The following CALN1 variants were observed in gnomAD, a reference collection of about 807,000 sequenced individuals.
CALN1 encodes the protein calneuron 1.
A neutral mutation model predicts 30.6 loss-of-function variants in CALN1; 17 were observed. The observed-to-expected ratio is 0.56, with a 90% CI of 0.38 to 0.83. The LOEUF is 0.83. Ranked by LOEUF, CALN1 falls within the 40% of genes least tolerant of loss-of-function variation. The pLI is 0.00. For missense variants in CALN1, 291 were observed against 354.9 expected (o/e 0.82, Z 1.45); for synonymous variants, 156 against 131.4 (o/e 1.19, Z -1.28).
At chr7:72,144,604 A>C (rs1028661393) in intron 3 of CALN1, among the ~76,000 whole-genome samples, 1 of 152,220 alleles carries the variant, frequency 6.6e-6, no homozygotes, top group Non-Finnish European at 1.5e-5. Flanking sequence ...AATTGAACTC[A>C]GCTCTGCACC....
the CALN1 span, among the ~76,000 whole-genome samples, chr7:72,470,646 C>T: frequency 3.3e-5 from 5 of 151,988 alleles, no homozygotes. Context: ...AAATGAGTTC[C>T]TTGGTAAAAT....
At chr7:71,913,703 T>G (rs2117014935) in intron 5 of CALN1, 1 of 152,526 alleles carries the variant, frequency 6.6e-6, no homozygotes, top group Non-Finnish European at 1.5e-5. Context: ...CCTGAGTAGC[T>G]TGGACTACAG....
intron 5 of CALN1, among the ~76,000 whole-genome samples, chr7:71,960,989 G>A (rs969122195): frequency 6.6e-6 from 1 of 152,034 alleles, no homozygotes; most frequent in Non-Finnish European, 1.5e-5. Flanking sequence ...GCTAATTTTT[G>A]TATTTTTAGT....
chr7:71,796,588 G>A (rs111652001), intron 6 of CALN1, among the ~76,000 whole-genome samples: 82 of 152,062 alleles, frequency 5.4e-4, no homozygotes, highest in African/African-American at 1.9e-3. Context: ...TCGAACTACT[G>A]ACCTCATGAT....
intron 3 of CALN1, among the ~76,000 whole-genome samples, chr7:72,222,529 C>T (rs994086612): frequency 8.5e-5 from 13 of 152,146 alleles, no homozygotes; most frequent in Admixed American, 8.5e-4. Context: ...AAGTTTGCCC[C>T]CATGATCCAA....
At chr7:72,245,273 G>C (rs1487121203) in intron 3 of CALN1, among the ~76,000 whole-genome samples, 2 of 152,166 alleles carry the variant, frequency 1.3e-5, no homozygotes, top group South Asian at 2.1e-4. Flanking sequence ...GTAACGTGCT[G>C]ACTTTTCCTG....
In CALN1 at chr7:72,024,468, G is replaced by A. The variant is rs1485941718; in HGVS notation, c.389-699C>T. Among the ~76,000 whole-genome samples, 10 of 151,870 alleles carry A rather than the reference G, an allele frequency of 6.6e-5. No individual in the cohort carries two copies. In the East Asian group the frequency reaches 7.7e-4, roughly 12 times the overall value. On this transcript the variant is annotated intron_variant, in intron 4 of 6. Transcript: ENST00000395275. ...GGCTGGAGTGCAATGGCGTGATCTC[G>A]GCTCACTGCAACCTCTGCCTCCTGG... is the stretch of plus-strand genomic sequence containing the variant.
chr7:72,333,922 A>G (rs1801835417), intron 2 of CALN1, among the ~76,000 whole-genome samples: 1 of 152,132 alleles, frequency 6.6e-6, no homozygotes, highest in Non-Finnish European at 1.5e-5. Flanking sequence ...GTCTGACTCT[A>G]AACAAGTTAC....
chr7:72,369,897 TCTCA>T (rs1224485516), intron 2 of CALN1, among the ~76,000 whole-genome samples: 2 of 152,224 alleles, frequency 1.3e-5, no homozygotes, highest in South Asian at 2.1e-4. Context: ...GCTTTCAGTT[TCTCA>T]CTATCATAAA....
intron 4 of CALN1, among the ~76,000 whole-genome samples, chr7:72,027,602 G>A (rs567445362): frequency 6.6e-5 from 10 of 151,890 alleles, no homozygotes; most frequent in South Asian, 2.1e-4. Context: ...TCCCAGCTAC[G>A]TGGGACGCAG....
chr7:72,078,847 A>G (rs1231342941), intron 4 of CALN1, among the ~76,000 whole-genome samples: 4 of 152,176 alleles, frequency 2.6e-5, no homozygotes, highest in Non-Finnish European at 5.9e-5. Context: ...GAGGCAGGAG[A>G]ATCGCCTGAA....
chr7:71,943,517 G>A (rs1436496886), intron 5 of CALN1, among the ~76,000 whole-genome samples: 2 of 152,068 alleles, frequency 1.3e-5, no homozygotes, highest in East Asian at 3.9e-4. Context: ...ATCAGCTCAT[G>A]GCAACCTCTG....
intron 5 of CALN1, among the ~76,000 whole-genome samples, chr7:71,908,194 G>A (rs960075202): frequency 1.3e-5 from 2 of 152,060 alleles, no homozygotes; most frequent in African/African-American, 4.8e-5. Flanking sequence ...GGCCCCCTTT[G>A]TTGCAGGCCT....
intron 4 of CALN1, among the ~76,000 whole-genome samples, chr7:72,026,992 CCAAA>C (rs1159121647): frequency 2.0e-5 from 3 of 152,122 alleles, no homozygotes; most frequent in Non-Finnish European, 4.4e-5. Flanking sequence ...GGCTGGATGG[CCAAA>C]CAGTCTTGAA....
chr7:72,171,095 G>T (rs1286990882), intron 3 of CALN1, among the ~76,000 whole-genome samples: 1 of 152,132 alleles, frequency 6.6e-6, no homozygotes, highest in Non-Finnish European at 1.5e-5. Flanking sequence ...AGAGTTCGAG[G>T]TTGCAGTGAG....
chr7:72,272,059 CA>C (rs36004477), intron 3 of CALN1, among the ~76,000 whole-genome samples: 26,388 of 120,706 alleles, frequency 0.22, 3,449 homozygotes, highest in East Asian at 0.45. Flanking sequence ...AAGATTCTGT[CA>C]AAAAAAAAAA....
chr7:71,830,855 C>A (rs994626758), intron 5 of CALN1, among the ~76,000 whole-genome samples: 2 of 152,174 alleles, frequency 1.3e-5, no homozygotes, highest in African/African-American at 4.8e-5. Context: ...AATCACACAT[C>A]TTCATTTTGC....
chr7:72,222,297 A>G (rs1413939372), intron 3 of CALN1, among the ~76,000 whole-genome samples: 4 of 152,188 alleles, frequency 2.6e-5, no homozygotes, highest in African/African-American at 7.2e-5. Context: ...TCTGGAGCCT[A>G]TACTGGAAGT....
chr7:72,007,224 A>C (rs900493705), intron 5 of CALN1, among the ~76,000 whole-genome samples: 1 of 152,352 alleles, frequency 6.6e-6, no homozygotes, highest in South Asian at 2.1e-4. Context: ...GCCGGGGAAC[A>C]TAAGTAGAAG....
Sources: allele counts gnomAD v4.1 joint callset (sites outside exome capture counted in the v4.1 genomes callset), GRCh38; gene constraint gnomAD v4.1.1; transcripts MANE v1.5; gene names NCBI Gene and HGNC (gene_info 2026-07-23, HGNC 2026-07-21).